The following CLOCK variants were observed in gnomAD, a reference collection of about 807,000 sequenced individuals.
The protein encoded by CLOCK is clock circadian regulator.
Under a neutral mutation model 118.4 loss-of-function variants are expected in CLOCK, and 43 were observed. The observed-to-expected ratio is 0.36, with a 90% CI of 0.28 to 0.47. The LOEUF (loss-of-function observed/expected upper bound fraction) is 0.47. Ranked by LOEUF, CLOCK falls within the 20% of genes least tolerant of loss-of-function variation. The pLI, the probability that CLOCK is intolerant of heterozygous loss-of-function variation, is 1.00. For missense variants in CLOCK, 846 were observed against 999.9 expected (o/e 0.85, Z 2.08); for synonymous variants, 326 against 339.2 (o/e 0.96, Z 0.43).
chr4:55,510,866 T>G (rs1729103987), intron 1 of CLOCK, among the ~76,000 whole-genome samples: 1 of 152,136 alleles, frequency 6.6e-6, no homozygotes, highest in South Asian at 2.1e-4. Context: ...GGGCATTTCC[T>G]GAGACAAGAT....
chr4:55,461,439 A>C (rs1300642752), intron 9 of CLOCK, among the ~76,000 whole-genome samples: 1 of 152,192 alleles, frequency 6.6e-6, no homozygotes. Flanking sequence ...CTGGACCTCC[A>C]TGAGGCAAAA....
intron 15 of CLOCK, among the ~76,000 whole-genome samples, chr4:55,450,831 A>G (rs748120939): frequency 2.0e-5 from 3 of 152,036 alleles, no homozygotes; most frequent in Non-Finnish European, 4.4e-5. Context: ...CTAAAACTAC[A>G]TAACTCTTAC....
chr4:55,510,952 C>A (rs1729111090), intron 1 of CLOCK, among the ~76,000 whole-genome samples: 1 of 152,154 alleles, frequency 6.6e-6, no homozygotes, highest in Non-Finnish European at 1.5e-5. Flanking sequence ...CCATTTTAAA[C>A]CCTTACCACT....
intron 1 of CLOCK, among the ~76,000 whole-genome samples, chr4:55,523,581 G>A (rs908028493): frequency 1.3e-5 from 2 of 151,952 alleles, no homozygotes; most frequent in Admixed American, 1.3e-4. Flanking sequence ...ACATGACATG[G>A]GTAATGTCCT....
chr4:55,479,924 C>T (rs566656751), intron 4 of CLOCK, among the ~76,000 whole-genome samples: 2 of 152,252 alleles, frequency 1.3e-5, no homozygotes, highest in South Asian at 4.1e-4. Flanking sequence ...TTATACTTAG[C>T]TATATTATGA....
chr4:55,455,084 A>G (rs1407972059), intron 13 of CLOCK, among the ~76,000 whole-genome samples: 2 of 152,216 alleles, frequency 1.3e-5, no homozygotes, highest in East Asian at 3.8e-4. Flanking sequence ...AGTGAGGTTT[A>G]TAACAGCAGC....
intron 1 of CLOCK, among the ~76,000 whole-genome samples, chr4:55,525,083 A>T (rs1177196874): frequency 6.6e-6 from 1 of 152,250 alleles, no homozygotes; most frequent in Non-Finnish European, 1.5e-5. Flanking sequence ...AACAAATCTT[A>T]GTAATGAAAC....
chr4:55,508,664 C>T (rs1408412093), intron 2 of CLOCK, among the ~76,000 whole-genome samples: 1 of 151,118 alleles, frequency 6.6e-6, no homozygotes, highest in Non-Finnish European at 1.5e-5. Context: ...ATGATCTCGG[C>T]TCACTGCAAG....
At chr4:55,495,735 C>A (rs1728025828) in intron 2 of CLOCK, among the ~76,000 whole-genome samples, 1 of 152,098 alleles carries the variant, frequency 6.6e-6, no homozygotes, top group African/African-American at 2.4e-5. Flanking sequence ...CACCCCACCT[C>A]CCACTCATTC....
intron 15 of CLOCK, 28 bp from the exon 16 acceptor site, chr4:55,450,260 T>C: frequency 6.2e-7 from 1 of 1,613,520 alleles, no homozygotes; most frequent in Non-Finnish European, 8.5e-7. Flanking sequence ...AATAAATGTT[T>C]TCTTGTGGTT....
At chr4:55,453,894 C>T in intron 13 of CLOCK, 70 bp from the exon 14 acceptor site, 2 of 1,173,302 alleles carry the variant, frequency 1.7e-6, no homozygotes, top group Non-Finnish European at 2.4e-6. Flanking sequence ...TAACCAAAAG[C>T]TATCATTTAC....
chr4:55,457,345 T>C (rs1001172923), intron 11 of CLOCK, among the ~76,000 whole-genome samples: 1 of 152,232 alleles, frequency 6.6e-6, no homozygotes, highest in African/African-American at 2.4e-5. Flanking sequence ...AAGTGGCCAT[T>C]ACTAAATCTT....
chr4:55,495,158 C>T (rs1461644092), intron 2 of CLOCK, among the ~76,000 whole-genome samples: 1 of 152,080 alleles, frequency 6.6e-6, no homozygotes, highest in African/African-American at 2.4e-5. Flanking sequence ...ATCCCCCATC[C>T]CTATATACTT....
At chr4:55,523,373 T>A (rs1477487074) in intron 1 of CLOCK, among the ~76,000 whole-genome samples, 1 of 151,962 alleles carries the variant, frequency 6.6e-6, no homozygotes. Context: ...GTAGCTAGAG[T>A]ATCAAGTCAA....
In CLOCK at chr4:55,478,796, T is replaced by C. The variant is rs767927881; in HGVS notation, c.256+19A>G. On this transcript the variant is annotated intron_variant, in intron 6 of 22. Coordinates refer to ENST00000513440, the MANE Select transcript of CLOCK (RefSeq NM_004898.4). ...AATGCTTTGAGAGTCTGTTCCATTTTACAGAGTTAAAAATTTACCTTTATG... is the reference window on the plus strand; with the variant it reads ...AATGCTTTGAGAGTCTGTTCCATTTCACAGAGTTAAAAATTTACCTTTATG... The C allele has an allele frequency of 6.2e-7, 1 of 1,609,526 alleles. No individual in the cohort carries two copies.
At chr4:55,541,040 C>T (rs558333591) in intron 1 of CLOCK, among the ~76,000 whole-genome samples, 30 of 152,276 alleles carry the variant, frequency 2.0e-4, no homozygotes, top group Non-Finnish European at 4.0e-4. Flanking sequence ...TTTCTGTAGA[C>T]TTCTAAGACT....
At position 55,433,315 on chromosome 4, in the gene CLOCK, CT is replaced by C. The variant is rs1722646102; in HGVS notation, c.*2099del. 6.6e-6 allele frequency: 1 copy of C among 152,608 alleles called. No homozygotes were observed. Among genetic ancestry groups the C allele is most frequent in the Non-Finnish European group, 1.5e-5 (1 of 68,020 alleles). 9.5% of individuals were successfully genotyped at this position (152,608 alleles called of 1,614,324 possible). ...TGATATGTTAATTACTGATTGATAT[CT>C]AGTCACACTTCTTTTGTAGAAGGGT... On this transcript the variant is annotated 3_prime_UTR_variant, in exon 23 of 23. Coordinates refer to ENST00000513440, the MANE Select transcript of CLOCK (RefSeq NM_004898.4).
rs748628030 is a variant in CLOCK at position 55,433,099 on chromosome 4, T to C, written c.*2316A>G. ...AAATAAATGAGGCACAACTCAGATA[T>C]ATATGGAATGGCATAAGGTCAAGAA... On this transcript the variant is annotated 3_prime_UTR_variant, in exon 23 of 23. Coordinates refer to ENST00000513440, the MANE Select transcript of CLOCK (RefSeq NM_004898.4). 2 of 152,594 alleles carry C rather than the reference T, an allele frequency of 1.3e-5. No individual in the cohort carries two copies. The highest frequency in any genetic ancestry group is 6.5e-5 in the Admixed American group (1 of 15,268). The allele number at this position is 152,594 out of a possible 1,614,324, so 9.5% of individuals were successfully genotyped here.
intron 14 of CLOCK, 153 bp downstream of exon 14, chr4:55,453,524 T>C (rs1482202048): frequency 1.0e-5 from 6 of 584,458 alleles, no homozygotes; most frequent in South Asian, 2.8e-5. Context: ...ATATAATGCC[T>C]ATAAGTAAAT....
Sources: allele counts gnomAD v4.1 joint callset (sites outside exome capture counted in the v4.1 genomes callset), GRCh38; gene constraint gnomAD v4.1.1; transcripts MANE v1.5; gene names NCBI Gene and HGNC (gene_info 2026-07-23, HGNC 2026-07-21).